Variants in DDHD1 observed in about 807,000 individuals in gnomAD.
The protein encoded by DDHD1 is phospholipase DDHD1.
In DDHD1, 49 loss-of-function variants were observed where a neutral mutation model predicts 96.4. The observed-to-expected ratio is 0.51, with a 90% confidence interval of 0.40 to 0.64. The LOEUF (loss-of-function observed/expected upper bound fraction) is 0.64. Ranked by LOEUF, DDHD1 falls within the 30% of genes least tolerant of loss-of-function variation. The pLI is 0.00. For missense variants in DDHD1, 1,106 were observed against 1,161.2 expected, an observed-to-expected ratio of 0.95 and a Z score of 0.69; for synonymous variants, 442 against 446.5, an observed-to-expected ratio of 0.99 and a Z score of 0.13.
chr14:53,123,438 G>A (rs1226392899), intron 1 of DDHD1, among the ~76,000 whole-genome samples: 2 of 152,010 alleles, frequency 1.3e-5, no homozygotes, highest in Non-Finnish European at 2.9e-5. Context: ...ATGAGCCACC[G>A]CACCTGGCCA....
intron 4 of DDHD1, among the ~76,000 whole-genome samples, chr14:53,082,962 T>A (rs1461463896): frequency 1.3e-5 from 2 of 152,072 alleles, no homozygotes; most frequent in Non-Finnish European, 2.9e-5. Flanking sequence ...GAAAAAAATT[T>A]GTGTATGCCT....
chr14:53,059,513 G>T (rs144567356), intron 8 of DDHD1, among the ~76,000 whole-genome samples: 1 of 151,122 alleles, frequency 6.6e-6, no homozygotes, highest in African/African-American at 2.4e-5. Flanking sequence ...CCAAAGTGCT[G>T]GGATTACAGG....
chr14:53,090,107 AC>A (rs1443753353), intron 4 of DDHD1, among the ~76,000 whole-genome samples: 1 of 152,234 alleles, frequency 6.6e-6, no homozygotes, highest in Non-Finnish European at 1.5e-5. Context: ...TATGCAGCCA[AC>A]AGACACATGA....
chr14:53,097,466 A>G (rs1886973820), intron 2 of DDHD1, among the ~76,000 whole-genome samples: 1 of 152,004 alleles, frequency 6.6e-6, no homozygotes, highest in Non-Finnish European at 1.5e-5. Context: ...AATTTTCTTC[A>G]CTGAAAATGT....
rs1166882687 is a variant in DDHD1, at chr14:53,042,995, T to C, written c.*3773A>G. 6.6e-6 allele frequency: 1 copy of C among 152,206 alleles called. No homozygotes were observed. The highest frequency in any genetic ancestry group is 1.5e-5 in the Non-Finnish European group (1 of 68,046). The allele number at this position is 152,206 out of a possible 1,614,324, so 9.4% of individuals were successfully genotyped here. A position where few individuals can be genotyped will look rare whatever the true frequency, so the allele number is the denominator to read the frequency against. Reference sequence around the variant, plus strand: ...ATCTAATGGATCAAAAAGAAATTTGTCTTCTACTACAGACTTTACAGGAAA... The same window carrying C: ...ATCTAATGGATCAAAAAGAAATTTGCCTTCTACTACAGACTTTACAGGAAA... On this transcript the variant is annotated 3_prime_UTR_variant, in exon 13 of 13. Transcript: ENST00000673822.
chr14:53,055,782 T>A lies in DDHD1; in HGVS notation c.2123A>T (p.Glu708Val), dbSNP rs1339097140. 1 of 1,614,138 alleles carries A rather than the reference T, an allele frequency of 6.2e-7. No homozygotes were observed. The highest frequency in any genetic ancestry group is 1.7e-5 in the Admixed American group (1 of 60,016). ...TTCATTCTCTGAAACTGAGGTAGGT[T>A]CTTTAGCTGGGTTGAGAAAGCTTGG... is the stretch of plus-strand genomic sequence containing the variant. ...MKPSFLNPAK[E>V]PTSVSENEGI... The change falls in exon 10 of 13, where the codon GAA becomes GTA. Residue 708 changes from glutamate (E) to valine (V), a missense_variant. Coordinates refer to ENST00000673822, the MANE Select transcript of DDHD1 (RefSeq NM_001160148.2).
chr14:53,071,274 A>C (rs1265830093), intron 6 of DDHD1, among the ~76,000 whole-genome samples: 2 of 152,128 alleles, frequency 1.3e-5, no homozygotes, highest in Non-Finnish European at 2.9e-5. Context: ...TAGAACAAAA[A>C]TTGGGGCCAT....
intron 1 of DDHD1, among the ~76,000 whole-genome samples, chr14:53,134,361 T>C (rs1890078677): frequency 6.6e-6 from 1 of 152,164 alleles, no homozygotes; most frequent in South Asian, 2.1e-4. Flanking sequence ...TGATCTTTGC[T>C]GACAGGGCAC....
chr14:53,108,190 A>T (rs1595188630), intron 1 of DDHD1, among the ~76,000 whole-genome samples: 1 of 152,114 alleles, frequency 6.6e-6, no homozygotes, highest in African/African-American at 2.4e-5. Context: ...CGGATCCGGC[A>T]GGGTGTCTGC....
rs75781782 is a variant in DDHD1 at position 53,111,074 on chromosome 14, T to C, written c.839-7218A>G. Among the ~76,000 whole-genome samples, 1,173 of 152,342 alleles carry C rather than the reference T, an allele frequency of 7.7e-3. 44 individuals carry two copies. The highest frequency in any genetic ancestry group is 0.059 in the Admixed American group (895 of 15,298). The stretch of plus-strand genomic sequence containing the variant: ...ATCAAAAGAAGAACATGGGTTCTTC[T>C]TGACTGAAAAATAATTCTAAGGTTC... On this transcript the variant is annotated intron_variant, in intron 1 of 12. Transcript: ENST00000673822.
At chr14:53,075,854 C>A (rs1169684484) in intron 4 of DDHD1, among the ~76,000 whole-genome samples, 1 of 151,960 alleles carries the variant, frequency 6.6e-6, no homozygotes, top group Non-Finnish European at 1.5e-5. Flanking sequence ...ATAAATAGAA[C>A]AACAAAGCCT....
chr14:53,128,270 G>A (rs564799027), intron 1 of DDHD1, among the ~76,000 whole-genome samples: 3 of 152,174 alleles, frequency 2.0e-5, no homozygotes, highest in Non-Finnish European at 4.4e-5. Context: ...GGAGACTAAG[G>A]ATCTGTCTTA....
chr14:53,050,326 A>C (rs1882427960), intron 12 of DDHD1, among the ~76,000 whole-genome samples: 1 of 152,196 alleles, frequency 6.6e-6, no homozygotes, highest in Non-Finnish European at 1.5e-5. Flanking sequence ...AGTAGTTCTG[A>C]ATTTGCCTAG....
At chr14:53,142,541 T>C (rs1890712740) in intron 1 of DDHD1, among the ~76,000 whole-genome samples, 1 of 152,164 alleles carries the variant, frequency 6.6e-6, no homozygotes, top group African/African-American at 2.4e-5. Context: ...TGTAAAGTTC[T>C]CTATTTTATC....
In DDHD1 at chr14:53,037,652, G is replaced by T. The variant is rs1881359873; in HGVS notation, c.*9116C>A. The T allele has an allele frequency of 6.6e-6, 1 of 152,046 alleles. No homozygotes were observed. Among genetic ancestry groups the T allele is most frequent in the African/African-American group, 2.4e-5 (1 of 41,408 alleles). The allele number at this position is 152,046 out of a possible 1,614,324, so 9.4% of individuals were successfully genotyped here. A position where few individuals can be genotyped will look rare whatever the true frequency, so the allele number is the denominator to read the frequency against. On this transcript the variant is annotated 3_prime_UTR_variant, in exon 13 of 13. Coordinates refer to ENST00000673822, the MANE Select transcript of DDHD1 (RefSeq NM_001160148.2). ...ATGTCAGATCTTTGTTGGATGTCTA[G>T]TTTGCAAATATTTTCTCCAATTCTG...
intron 1 of DDHD1, among the ~76,000 whole-genome samples, chr14:53,115,987 T>A (rs1249763861): frequency 7.4e-4 from 112 of 152,104 alleles, no homozygotes; most frequent in Non-Finnish European, 1.5e-5. Flanking sequence ...ACCCATCTCA[T>A]GTGCAAAGAC....
rs1489701736 is a variant in DDHD1, at chr14:53,046,743, G to A, written c.*25C>T. 1 of 1,456,830 alleles carries A rather than the reference G, an allele frequency of 6.9e-7. No homozygotes were observed. The highest frequency in any genetic ancestry group is 9.1e-7 in the Non-Finnish European group (1 of 1,103,084). The allele number at this position is 1,456,830 out of a possible 1,614,324, so 90.2% of individuals were successfully genotyped here. A position where few individuals can be genotyped will look rare whatever the true frequency, so the allele number is the denominator to read the frequency against. On this transcript the variant is annotated 3_prime_UTR_variant, in exon 13 of 13. Transcript: ENST00000673822. ...ACGGAAAAAAAAAAAATCAGTTTTAGGCCATTCATGTCCTTCAAGAGAGTT... is the reference window on the plus strand; with the variant it reads ...ACGGAAAAAAAAAAAATCAGTTTTAAGCCATTCATGTCCTTCAAGAGAGTT...
chr14:53,052,408 T>G (rs1318311136), intron 11 of DDHD1: 1 of 152,782 alleles, frequency 6.5e-6, no homozygotes, highest in Non-Finnish European at 1.5e-5. Flanking sequence ...TCAAAGTCGG[T>G]AGCTTCAGAA....
chr14:53,096,916 A>G (rs942346443), intron 2 of DDHD1, among the ~76,000 whole-genome samples: 5 of 152,050 alleles, frequency 3.3e-5, no homozygotes, highest in Non-Finnish European at 7.4e-5. Flanking sequence ...TGTAAGCACT[A>G]AACAGACAAC....
Sources: allele counts gnomAD v4.1 joint callset (sites outside exome capture counted in the v4.1 genomes callset), GRCh38; gene constraint gnomAD v4.1.1; transcripts MANE v1.5; gene names NCBI Gene and HGNC (gene_info 2026-07-23, HGNC 2026-07-21).